The following HAL variants were observed in gnomAD, a reference collection of about 807,000 sequenced individuals.
HAL encodes the protein histidase.
In HAL, 85 loss-of-function variants were observed where a neutral mutation model predicts 81.1. That is an observed-to-expected ratio of 1.05 (90% confidence interval 0.88 to 1.25). The LOEUF is 1.25. HAL is among the 50% of genes most tolerant of loss of function. The pLI, the probability that HAL is intolerant of heterozygous loss-of-function variation, is 0.00. For missense variants in HAL, 798 were observed against 836.6 expected, an observed-to-expected ratio of 0.95 and a Z score of 0.57; for synonymous variants, 301 against 309.2, an observed-to-expected ratio of 0.97 and a Z score of 0.28.
chr12:95,995,374 C>G (rs1295881912), intron 2 of HAL, among the ~76,000 whole-genome samples: 3 of 152,166 alleles, frequency 2.0e-5, no homozygotes, highest in African/African-American at 7.2e-5. Context: ...GGATTCAGAC[C>G]TGCAGCCTTG....
chr12:95,978,545 C>T (rs1230737662), intron 17 of HAL, among the ~76,000 whole-genome samples: 2 of 152,114 alleles, frequency 1.3e-5, no homozygotes, highest in African/African-American at 4.8e-5. Flanking sequence ...TGGATGTAAA[C>T]AGGGGCTCGA....
intron 17 of HAL, among the ~76,000 whole-genome samples, chr12:95,978,701 T>G (rs1337670121): frequency 3.9e-5 from 6 of 152,188 alleles, no homozygotes; most frequent in Non-Finnish European, 2.9e-5. Context: ...AATTCTGCTG[T>G]TCTAACGAGC....
At chr12:95,980,442 A>G (rs1037134602) in intron 17 of HAL, 114 bp downstream of exon 17, 4 of 945,678 alleles carry the variant, frequency 4.2e-6, no homozygotes, top group Non-Finnish European at 6.8e-6. Context: ...GGATGCAGAT[A>G]AAAGTGGTGA....
At chr12:95,978,344 T>C (rs939191460) in intron 17 of HAL, among the ~76,000 whole-genome samples, 3 of 151,920 alleles carry the variant, frequency 2.0e-5, no homozygotes, top group Non-Finnish European at 4.4e-5. Flanking sequence ...AAGGCCAAGA[T>C]GACAACCTGG....
intron 10 of HAL, among the ~76,000 whole-genome samples, chr12:95,988,866 A>G (rs7308827): frequency 0.18 from 27,208 of 152,118 alleles, 2,452 homozygotes; most frequent in South Asian, 0.26. Flanking sequence ...AGGTCTCTCT[A>G]GGAAAGAAGG....
In HAL at chr12:95,995,708, TC is replaced by T. The variant is rs1351479728; in HGVS notation, c.202del (p.Asp68ThrfsTer7). On this transcript the variant is annotated frameshift_variant, in exon 2 of 21. Transcript: ENST00000261208. LOFTEE classifies it high-confidence loss of function. ...CKGLGLLDNE[D>X]RLEVALENNE... is the part of the protein sequence containing the mutation. Reference sequence around the variant, plus strand: ...GTTCTCTAGGGCCACCTCGAGCCGGTCCTCGTTGTCCAGCAGGCCCAGGCCC... The same window carrying T: ...GTTCTCTAGGGCCACCTCGAGCCGGTCTCGTTGTCCAGCAGGCCCAGGCCC... 1.2e-6 allele frequency: 2 copies of T among 1,613,762 alleles called. No individual in the cohort carries two copies. The highest frequency in any genetic ancestry group is 1.7e-6 in the Non-Finnish European group (2 of 1,180,032).
Position 95,993,932 on chromosome 12 carries a change from T to G in HAL, c.478A>C (p.Lys160Gln). 1 of 1,585,238 alleles carries G rather than the reference T, an allele frequency of 6.3e-7. No homozygotes were observed. Residue 160 changes from lysine to glutamine, a missense_variant, in exon 6 of 21, where the codon AAA becomes CAA. Lys to Gln is a moderately conservative substitution (Grantham distance 53). Transcript: ENST00000261208. ...REVIDSIIKEKTVVYGITTGF... is the reference protein window; with the variant it reads ...REVIDSIIKEQTVVYGITTGF... ...CATAAAGATAAAAAGATACCTGTTT[T>G]CTCTTTTATGATGCTATCTATGACC... is the stretch of plus-strand genomic sequence containing the variant.
Position 95,987,020 on chromosome 12 carries a change from C to T in HAL, c.1051+47G>A, listed in dbSNP as rs771466457. 8 of 1,545,678 alleles carry T rather than the reference C, an allele frequency of 5.2e-6. No individual in the cohort carries two copies. The African/African-American group carries it at 1.1e-4, about 21-fold the overall frequency. On this transcript the variant is annotated intron_variant, in intron 12 of 20. Coordinates refer to ENST00000261208, the MANE Select transcript of HAL (RefSeq NM_002108.4). Reference sequence around the variant, plus strand: ...AAAGATCTCAGCCACCCCGCCCCACCACCTCTGGTTGAATGAATAACAACC... The same window carrying T: ...AAAGATCTCAGCCACCCCGCCCCACTACCTCTGGTTGAATGAATAACAACC...
intron 15 of HAL, among the ~76,000 whole-genome samples, chr12:95,983,496 G>A (rs1459063251): frequency 2.0e-5 from 3 of 152,196 alleles, no homozygotes; most frequent in Admixed American, 6.5e-5. Flanking sequence ...AATGCAAACT[G>A]CTCTCACTCA....
chr12:95,982,444 A>C (rs1362724178), intron 15 of HAL, among the ~76,000 whole-genome samples: 1 of 152,252 alleles, frequency 6.6e-6, no homozygotes, highest in Non-Finnish European at 1.5e-5. Flanking sequence ...ACTATGAGAT[A>C]CCCTTTAAAA....
intron 3 of HAL, 48 bp downstream of exon 3, chr12:95,994,885 G>A: frequency 2.5e-6 from 4 of 1,606,946 alleles, no homozygotes; most frequent in Non-Finnish European, 3.4e-6. Context: ...CCCACCATCT[G>A]CAGGAGCCAC....
At chr12:95,983,656 A>G (rs1949839642) in intron 15 of HAL, 1 of 538,460 alleles carries the variant, frequency 1.9e-6, no homozygotes, top group Non-Finnish European at 3.3e-6. Context: ...ATCTTCTTAA[A>G]TCTTGAATAG....
chr12:95,995,860 G>C lies in HAL; in HGVS notation c.51C>G (p.Cys17Trp). Residue 17 changes from cysteine to tryptophan, a missense_variant, in exon 2 of 21, where the codon TGC (cysteine) becomes TGG (tryptophan). Coordinates refer to ENST00000261208, the MANE Select transcript of HAL (RefSeq NM_002108.4). ...HVRGEWLAVP[C>W]QDAQLTVGWL... ...AGCCCACAGTGAGCTGCGCGTCCTG[G>C]CAGGGCACTGCCAGCCATTCCCCAC... 1 of 1,608,872 alleles carries C rather than the reference G, an allele frequency of 6.2e-7. No homozygotes were observed. Among genetic ancestry groups the C allele is most frequent in the Non-Finnish European group, 8.5e-7 (1 of 1,179,910 alleles).
At chr12:95,988,323 C>A (rs1480157109) in intron 10 of HAL, 83 bp from the exon 11 acceptor site, 10 of 782,482 alleles carry the variant, frequency 1.3e-5, no homozygotes, top group Middle Eastern at 3.6e-4. Context: ...CCAATAATAG[C>A]TCTTTATGCC....
Position 95,993,492 on chromosome 12 carries a change from C to A in HAL, c.552-4G>T. 6.3e-7 allele frequency: 1 copy of A among 1,594,210 alleles called. No individual in the cohort carries two copies. The highest frequency in any genetic ancestry group is 8.6e-7 in the Non-Finnish European group (1 of 1,161,682). Reference sequence around the variant, plus strand: ...TACTAAGTTGACCTGAAGCTCCCTGCAACAGAAAGGTAAAAACCCTCTTAG... The same window carrying A: ...TACTAAGTTGACCTGAAGCTCCCTGAAACAGAAAGGTAAAAACCCTCTTAG... On this transcript the variant is annotated splice_region_variant and splice_polypyrimidine_tract_variant and intron_variant, in intron 7 of 20. Coordinates refer to ENST00000261208, the MANE Select transcript of HAL (RefSeq NM_002108.4).
intron 10 of HAL, among the ~76,000 whole-genome samples, chr12:95,988,931 T>A (rs1949932173): frequency 6.6e-6 from 1 of 152,162 alleles, no homozygotes; most frequent in South Asian, 2.1e-4. Context: ...CTACGTCAAT[T>A]TCACAGATTC....
At chr12:95,977,799 A>G in intron 18 of HAL, 145 bp downstream of exon 18, 1 of 812,496 alleles carries the variant, frequency 1.2e-6, no homozygotes, top group South Asian at 1.4e-5. Flanking sequence ...TGTCTGAATT[A>G]GCCAGCCTGC....
In HAL at chr12:95,992,720, A is replaced by G; in HGVS notation, c.675T>C (p.Ile225=). The change falls in exon 9 of 21, where the codon ATT becomes ATC. Residue 225 remains isoleucine, a synonymous_variant. Transcript: ENST00000261208. ...INVLAKGYSG[I]SLETLKQVIE... ...TGACTTGTTTGAGGGTCTCCAGGGA[A>G]ATGCCACTGTATCCTTTGGCTAAGA... The G allele has an allele frequency of 6.2e-7, 1 of 1,612,898 alleles. No individual in the cohort carries two copies. Among genetic ancestry groups the G allele is most frequent in the East Asian group, 2.2e-5 (1 of 44,870 alleles).
chr12:95,995,998 G>A lies in HAL; in HGVS notation c.-81-7C>T. On this transcript the variant is annotated splice_region_variant and splice_polypyrimidine_tract_variant and intron_variant, in intron 1 of 20. Coordinates refer to ENST00000261208, the MANE Select transcript of HAL (RefSeq NM_002108.4). ...GCTACCGGGGTGTGGTCAGCTGGAA[G>A]GATGAGAATAGACTTTCAAACCACT... The A allele has an allele frequency of 1.5e-6, 2 of 1,357,930 alleles. No homozygotes were observed. The allele number at this position is 1,357,930 out of a possible 1,614,324, so 84.1% of individuals were successfully genotyped here.
Sources: gnomAD v4.1 joint callset for allele counts (sites outside exome capture counted in the v4.1 genomes callset) on GRCh38, gnomAD v4.1.1 for gene constraint, MANE v1.5 for transcripts, NCBI Gene and HGNC (gene_info 2026-07-23, HGNC 2026-07-21) for gene names.